The following KIF27 variants were observed in gnomAD, a reference collection of about 807,000 sequenced individuals.
The protein encoded by KIF27 is kinesin-like protein KIF27.
Under a neutral mutation model 141.8 loss-of-function variants are expected in KIF27, and 84 were observed. That is an observed-to-expected ratio of 0.59 (90% CI 0.50 to 0.71). The LOEUF (loss-of-function observed/expected upper bound fraction) is 0.71, where lower values mean the gene tolerates loss of function less well. Among genes scored for constraint, KIF27 ranks in the 30% least tolerant of loss-of-function variants. The pLI is 0.00. For missense variants in KIF27, 1,306 were observed against 1,628.4 expected, an observed-to-expected ratio of 0.80 and a Z score of 3.41; for synonymous variants, 471 against 569.5, an observed-to-expected ratio of 0.83 and a Z score of 2.46.
chr9:83,847,314 G>A (rs1947416252), intron 16 of KIF27, among the ~76,000 whole-genome samples: 1 of 152,140 alleles, frequency 6.6e-6, no homozygotes, highest in Non-Finnish European at 1.5e-5. Context: ...CTTGTACTAA[G>A]AAAATATCTT....
chr9:83,915,190 C>G (rs754253588), intron 2 of KIF27, 104 bp downstream of exon 2: 21 of 839,952 alleles, frequency 2.5e-5, no homozygotes, highest in Non-Finnish European at 3.5e-5. Context: ...CATTCCTTCA[C>G]TATTCAATCA....
At position 83,888,588 on chromosome 9, in the gene KIF27, T is replaced by C. The variant is rs190657428; in HGVS notation, c.1984A>G (p.Arg662Gly). The C allele has an allele frequency of 2.2e-4, 349 of 1,560,646 alleles. No homozygotes were observed. Among genetic ancestry groups the C allele is most frequent in the Non-Finnish European group, 2.9e-4 (332 of 1,145,260 alleles). Residue 662 changes from arginine to glycine, a missense_variant, in exon 8 of 18, where the codon AGA (arginine) becomes GGA (glycine). Physicochemically the swap from Arg to Gly is moderately radical, Grantham distance 125. Around this residue, in one of 4 missense-constraint regions of KIF27, gnomAD observed 596 missense variants for 751.6 expected, o/e 0.79. Coordinates refer to ENST00000297814, the MANE Select transcript of KIF27 (RefSeq NM_017576.4). The part of the protein sequence containing the change: ...EGQEKSGTRC[R>G]SRSWIQKPDS... ...GGCTTCTGAATCCATGAACGACTTC[T>C]ACATCTTAAAAAAAAATCAGAAAGT...
chr9:83,909,213 G>A (rs1318006593), intron 2 of KIF27, among the ~76,000 whole-genome samples: 1 of 152,154 alleles, frequency 6.6e-6, no homozygotes, highest in Non-Finnish European at 1.5e-5. Context: ...AAAAAAATAC[G>A]GCAGGGTAGG....
intron 13 of KIF27, among the ~76,000 whole-genome samples, chr9:83,860,321 AG>A (rs1949749535): frequency 6.6e-6 from 1 of 152,136 alleles, no homozygotes; most frequent in Non-Finnish European, 1.5e-5. Context: ...CAACCTTTTC[AG>A]TTGGTTCTTC....
intron 3 of KIF27, among the ~76,000 whole-genome samples, chr9:83,905,422 T>A (rs1954418065): frequency 6.6e-6 from 1 of 152,066 alleles, no homozygotes; most frequent in Admixed American, 6.6e-5. Flanking sequence ...CCGGCCTATA[T>A]CCAAAAATAT....
At chr9:83,890,683 C>T (rs901575020) in intron 6 of KIF27, among the ~76,000 whole-genome samples, 1 of 152,158 alleles carries the variant, frequency 6.6e-6, no homozygotes, top group Non-Finnish European at 1.5e-5. Context: ...ATGGATCTCA[C>T]GTGAACAAAT....
chr9:83,874,940 A>G (rs1951091148), intron 11 of KIF27, among the ~76,000 whole-genome samples: 1 of 150,864 alleles, frequency 6.6e-6, no homozygotes, highest in Admixed American at 6.6e-5. Flanking sequence ...TCTCAAAAAA[A>G]AAAAAAAAAA....
chr9:83,879,595 A>T (rs1489342620), intron 11 of KIF27, among the ~76,000 whole-genome samples: 1 of 152,192 alleles, frequency 6.6e-6, no homozygotes, highest in Non-Finnish European at 1.5e-5. Context: ...AGTACTAGAT[A>T]AGTGTCTGTT....
intron 15 of KIF27, among the ~76,000 whole-genome samples, chr9:83,852,142 G>A (rs1948668252): frequency 6.8e-6 from 1 of 147,898 alleles, no homozygotes; most frequent in African/African-American, 2.5e-5. Flanking sequence ...TAAAAGAACA[G>A]CATAAAGAGT....
chr9:83,909,110 G>A (rs1286999566), intron 2 of KIF27, among the ~76,000 whole-genome samples: 1 of 152,092 alleles, frequency 6.6e-6, no homozygotes, highest in African/African-American at 2.4e-5. Flanking sequence ...CCCTTCCCTG[G>A]TGAGATTCTG....
chr9:83,913,161 T>C (rs1338019781), intron 2 of KIF27, among the ~76,000 whole-genome samples: 3 of 151,964 alleles, frequency 2.0e-5, no homozygotes, highest in Non-Finnish European at 4.4e-5. Flanking sequence ...CAAGGCCCTA[T>C]CTGAAAGCAA....
intron 10 of KIF27, among the ~76,000 whole-genome samples, chr9:83,882,417 T>A (rs1951754183): frequency 6.6e-6 from 1 of 152,208 alleles, no homozygotes; most frequent in Admixed American, 6.5e-5. Flanking sequence ...ATCACCACTA[T>A]GGGACTCTGA....
chr9:83,875,178 A>G (rs1951112457), intron 11 of KIF27, among the ~76,000 whole-genome samples: 1 of 152,146 alleles, frequency 6.6e-6, no homozygotes, highest in Admixed American at 6.5e-5. Context: ...AAGAGCTAAA[A>G]CAAAACAGAC....
At chr9:83,868,747 C>T (rs1299957384) in intron 12 of KIF27, among the ~76,000 whole-genome samples, 3 of 151,984 alleles carry the variant, frequency 2.0e-5, no homozygotes, top group Admixed American at 2.0e-4. Flanking sequence ...ATCTATCATA[C>T]AATGAGACAG....
At chr9:83,893,103 G>A (rs1952836110) in intron 5 of KIF27, among the ~76,000 whole-genome samples, 1 of 152,154 alleles carries the variant, frequency 6.6e-6, no homozygotes, top group African/African-American at 2.4e-5. Flanking sequence ...AGGGCATTGT[G>A]GTGTGCACCT....
rs1196743171 is a variant in KIF27, at chr9:83,848,619, A to C, written c.3556+1480T>G. On this transcript the variant is annotated intron_variant, in intron 16 of 17. Transcript: ENST00000297814. ...GAATATATGCATATATGCATATATG[A>C]TATATATATGCTATTCTGTCCCTTT... is the stretch of plus-strand genomic sequence containing the variant. 1.3e-4 allele frequency: 19 copies of C among 148,588 alleles called. No individual in the cohort carries two copies. The East Asian group carries it at 3.2e-3, about 25-fold the overall frequency. The allele number at this position is 148,588 out of a possible 1,614,324, so 9.2% of individuals were successfully genotyped here. A position where few individuals can be genotyped will look rare whatever the true frequency, so the allele number is the denominator to read the frequency against.
At chr9:83,862,725 G>A (rs1950042842) in intron 13 of KIF27, among the ~76,000 whole-genome samples, 1 of 152,174 alleles carries the variant, frequency 6.6e-6, no homozygotes, top group African/African-American at 2.4e-5. Flanking sequence ...GTCATTGGTA[G>A]CTTGATGGGG....
At chr9:83,877,740 T>G (rs1348464527) in intron 11 of KIF27, among the ~76,000 whole-genome samples, 1 of 152,018 alleles carries the variant, frequency 6.6e-6, no homozygotes, top group Non-Finnish European at 1.5e-5. Context: ...TAGGAAAAAA[T>G]ATTTGGAAAT....
intron 11 of KIF27, among the ~76,000 whole-genome samples, chr9:83,872,271 G>A (rs1351921049): frequency 1.3e-5 from 2 of 152,094 alleles, no homozygotes; most frequent in Non-Finnish European, 2.9e-5. Context: ...CTGAGATCGC[G>A]CCACTGCACT....
Sources: gnomAD v4.1 joint callset for allele counts (sites outside exome capture counted in the v4.1 genomes callset) on GRCh38, gnomAD v4.1.1 for gene constraint, gnomAD v4.1.1 regional missense constraint, MANE v1.5 for transcripts, NCBI Gene and HGNC (gene_info 2026-07-23, HGNC 2026-07-21) for gene names.